SCGB1D1: variants seen among roughly 807,000 people sequenced by gnomAD.
The protein encoded by SCGB1D1 is lipophilin A (uteroglobin family member).
A neutral mutation model predicts 8.3 loss-of-function variants in SCGB1D1; 10 were observed. That is an observed-to-expected ratio of 1.21 (90% CI 0.74 to 2.05). The LOEUF (loss-of-function observed/expected upper bound fraction) is 2.05, where lower values mean the gene tolerates loss of function less well. Among genes scored for constraint, SCGB1D1 ranks in the 30% most tolerant of loss-of-function variants. The pLI is 0.00. For missense variants in SCGB1D1, 94 were observed against 105.1 expected (o/e 0.89, Z 0.46); for synonymous variants, 46 against 41.7 (o/e 1.10, Z -0.39).
rs376740890 is a variant in SCGB1D1 at position 62,190,259 on chromosome 11, C to A, written c.-26C>A. ...CTAAATCACTCATCATTGGTTAAAG[C>A]CGAGCTCACAGCAGAATAAGCCACC... On this transcript the variant is annotated 5_prime_UTR_variant, in exon 1 of 3. Transcript: ENST00000306238. 6.2e-7 allele frequency: 1 copy of A among 1,613,950 alleles called. No individual in the cohort carries two copies. Among genetic ancestry groups the A allele is most frequent in the African/African-American group, 1.3e-5 (1 of 74,930 alleles).
chr11:62,191,136 T>C (rs1944675025), intron 1 of SCGB1D1, among the ~76,000 whole-genome samples: 1 of 152,218 alleles, frequency 6.6e-6, no homozygotes, highest in African/African-American at 2.4e-5. Flanking sequence ...ATCCAGACTC[T>C]GATTTTTCTC....
At chr11:62,193,249 G>C in intron 2 of SCGB1D1, 150 bp from the exon 3 acceptor site, 1 of 663,092 alleles carries the variant, frequency 1.5e-6, no homozygotes, top group South Asian at 2.0e-5. Flanking sequence ...TCTAGGTCTA[G>C]GCCCTGGTTT....
rs2134719236 is a variant in SCGB1D1, at chr11:62,190,220, T to A, written c.-65T>A. ...CCCTGGGCTCCACGGCTCCACAGGCTCCCGGGGCTGAGTCTAAATCACTCA... is the reference window on the plus strand; with the variant it reads ...CCCTGGGCTCCACGGCTCCACAGGCACCCGGGGCTGAGTCTAAATCACTCA... On this transcript the variant is annotated 5_prime_UTR_variant, in exon 1 of 3. Transcript: ENST00000306238. The A allele has an allele frequency of 6.2e-7, 1 of 1,605,546 alleles. No individual in the cohort carries two copies. Among genetic ancestry groups the A allele is most frequent in the Non-Finnish European group, 8.5e-7 (1 of 1,172,998 alleles).
At chr11:62,191,042 T>G (rs887734286) in intron 1 of SCGB1D1, among the ~76,000 whole-genome samples, 8 of 152,182 alleles carry the variant, frequency 5.3e-5, no homozygotes, top group African/African-American at 1.9e-4. Context: ...ATGGTTAGCC[T>G]CAGAACTTCT....
rs117387346 is a variant in SCGB1D1, at chr11:62,191,313, T to G, written c.56-743T>G. 2.8e-3 allele frequency among the ~76,000 whole-genome samples: 432 copies of G among 152,216 alleles called. 3 individuals carry two copies. Among genetic ancestry groups the G allele is most frequent in the Non-Finnish European group, 4.9e-3 (333 of 68,014 alleles). ...GCAAAAGACTTAGGTGAATGGAGATTCCAGACCAAGCAAAATGATTACTCC... is the reference window on the plus strand; with the variant it reads ...GCAAAAGACTTAGGTGAATGGAGATGCCAGACCAAGCAAAATGATTACTCC... On this transcript the variant is annotated intron_variant, in intron 1 of 2. Coordinates refer to ENST00000306238, the MANE Select transcript of SCGB1D1 (RefSeq NM_006552.2).
intron 1 of SCGB1D1, 124 bp downstream of exon 1, chr11:62,190,463 G>T: frequency 8.7e-7 from 1 of 1,145,530 alleles, no homozygotes; most frequent in Non-Finnish European, 1.3e-6. Context: ...CTTATCCTGT[G>T]CTTGTTGAAG....
At chr11:62,190,882 A>G (rs2134719843) in intron 1 of SCGB1D1, among the ~76,000 whole-genome samples, 1 of 152,298 alleles carries the variant, frequency 6.6e-6, no homozygotes, top group East Asian at 1.9e-4. Context: ...AAAATGTTAC[A>G]TCTCGAAGGA....
In SCGB1D1 at chr11:62,190,308, G is replaced by A. The variant is rs779713783; in HGVS notation, c.24G>A (p.Leu8=). The A allele has an allele frequency of 2.5e-6, 4 of 1,614,058 alleles. No individual in the cohort carries two copies. The African/African-American group carries it at 5.3e-5, about 22-fold the overall frequency. Residue 8 remains leucine, a synonymous_variant, in exon 1 of 3, where the codon CTG becomes CTA. Coordinates refer to ENST00000306238, the MANE Select transcript of SCGB1D1 (RefSeq NM_006552.2). Reference sequence around the variant, plus strand: ...CCATGAGGCTGTCGGTGTGTCTCCTGCTGCTCACGCTGGCCCTTTGCTGCT... The same window carrying A: ...CCATGAGGCTGTCGGTGTGTCTCCTACTGCTCACGCTGGCCCTTTGCTGCT... MRLSVCL[L]LLTLALCCYR...
At chr11:62,190,763 G>A (rs1944672417) in intron 1 of SCGB1D1, among the ~76,000 whole-genome samples, 2 of 152,160 alleles carry the variant, frequency 1.3e-5, no homozygotes, top group Non-Finnish European at 2.9e-5. Context: ...TGTGCCAAGG[G>A]TCTAGCTGTG....
At position 62,193,435 on chromosome 11, in the gene SCGB1D1, A is replaced by C. The variant is rs1008630504; in HGVS notation, c.*7A>C. On this transcript the variant is annotated 3_prime_UTR_variant, in exon 3 of 3. Transcript: ENST00000306238. ...AGAGAAATGTGATCGCTGAGATGTA[A>C]AAAGTTTTTAATGCTAGTTTCCACC... 1.2e-6 allele frequency: 2 copies of C among 1,610,920 alleles called. No homozygotes were observed. Among genetic ancestry groups the C allele is most frequent in the African/African-American group, 2.7e-5 (2 of 74,956 alleles).
intron 2 of SCGB1D1, 91 bp from the exon 3 acceptor site, chr11:62,193,308 C>A: frequency 1.7e-6 from 2 of 1,194,358 alleles, no homozygotes; most frequent in East Asian, 2.4e-5. Context: ...TCTTTGGGAG[C>A]AGAATTCCAT....
intron 1 of SCGB1D1, among the ~76,000 whole-genome samples, chr11:62,191,186 A>G (rs1445694794): frequency 6.6e-6 from 1 of 151,960 alleles, no homozygotes; most frequent in East Asian, 1.9e-4. Flanking sequence ...TTTCCCTGTG[A>G]CACCCCGATC....
At chr11:62,191,206 C>A (rs1455988660) in intron 1 of SCGB1D1, among the ~76,000 whole-genome samples, 2 of 152,276 alleles carry the variant, frequency 1.3e-5, no homozygotes, top group Non-Finnish European at 1.5e-5. Flanking sequence ...CCTACCCTCT[C>A]CAAATTCTCC....
chr11:62,191,941 T>G, intron 1 of SCGB1D1, 115 bp from the exon 2 acceptor site: 1 of 867,392 alleles, frequency 1.2e-6, no homozygotes, highest in Non-Finnish European at 1.7e-6. Context: ...GTCATTGGCA[T>G]AGTTATTGAA....
rs977722515 is a variant in SCGB1D1 at position 62,193,121 on chromosome 11, G to T, written c.244-278G>T. 1.9e-4 allele frequency among the ~76,000 whole-genome samples: 29 copies of T among 152,174 alleles called. 1 individual carries two copies. Among genetic ancestry groups the T allele is most frequent in the Admixed American group, 6.5e-5 (1 of 15,284 alleles). Reference sequence around the variant, plus strand: ...CATTGCGGGGAACAGGAGACTCCAAGTCCTGGGACAGCCCAGACAATAACC... The same window carrying T: ...CATTGCGGGGAACAGGAGACTCCAATTCCTGGGACAGCCCAGACAATAACC... On this transcript the variant is annotated intron_variant, in intron 2 of 2. Coordinates refer to ENST00000306238, the MANE Select transcript of SCGB1D1 (RefSeq NM_006552.2).
At position 62,190,317 on chromosome 11, in the gene SCGB1D1, G is replaced by C. The variant is rs141616772; in HGVS notation, c.33G>C (p.Thr11=). Residue 11 remains threonine, a synonymous_variant, in exon 1 of 3, where the codon ACG becomes ACC. Coordinates refer to ENST00000306238, the MANE Select transcript of SCGB1D1 (RefSeq NM_006552.2). Reference sequence around the variant, plus strand: ...TGTCGGTGTGTCTCCTGCTGCTCACGCTGGCCCTTTGCTGCTACCGGGGTG... The same window carrying C: ...TGTCGGTGTGTCTCCTGCTGCTCACCCTGGCCCTTTGCTGCTACCGGGGTG... MRLSVCLLLL[T]LALCCYRANA... The C allele has an allele frequency of 4.3e-6, 7 of 1,614,036 alleles. No homozygotes were observed. In the Admixed American group the frequency reaches 6.7e-5, roughly 15 times the overall value.
At position 62,190,484 on chromosome 11, in the gene SCGB1D1, T is replaced by C. The variant is rs112105908; in HGVS notation, c.55+145T>C. ...CTGTGCTTGTTGAAGGAACTGCTCATAAAGCTCGGGCCTCATTTCATCAAA... is the reference window on the plus strand; with the variant it reads ...CTGTGCTTGTTGAAGGAACTGCTCACAAAGCTCGGGCCTCATTTCATCAAA... On this transcript the variant is annotated intron_variant, in intron 1 of 2. Transcript: ENST00000306238. The C allele has an allele frequency of 1.9e-5, 18 of 956,724 alleles. No individual in the cohort carries two copies. In the African/African-American group the frequency reaches 2.5e-4, roughly 13 times the overall value. 59.3% of individuals were successfully genotyped at this position (956,724 alleles called of 1,614,324 possible). A position where few individuals can be genotyped will look rare whatever the true frequency, so the allele number is the denominator to read the frequency against.
rs777772272 is a variant in SCGB1D1, at chr11:62,192,195, C to T, written c.195C>T (p.Cys65=). ...CAGCCAAGATGGAAGTGAAGAAATG[C>T]GTGGATACGATGGCCTATGAGAAAA... is the stretch of plus-strand genomic sequence containing the variant. ...AVAAKMEVKK[C]VDTMAYEKRV... Residue 65 remains cysteine, a synonymous_variant, in exon 2 of 3, where the codon TGC becomes TGT. Coordinates refer to ENST00000306238, the MANE Select transcript of SCGB1D1 (RefSeq NM_006552.2). The T allele has an allele frequency of 4.3e-5, 70 of 1,613,322 alleles. No individual in the cohort carries two copies. The East Asian group carries it at 5.8e-4, about 13-fold the overall frequency.
chr11:62,190,896 T>C (rs1049788922), intron 1 of SCGB1D1, among the ~76,000 whole-genome samples: 1 of 152,212 alleles, frequency 6.6e-6, no homozygotes, highest in African/African-American at 2.4e-5. Flanking sequence ...CGAAGGATCC[T>C]TGGAGAACTC....
Sources: allele counts gnomAD v4.1 joint callset (sites outside exome capture counted in the v4.1 genomes callset), GRCh38; gene constraint gnomAD v4.1.1; transcripts MANE v1.5; gene names NCBI Gene and HGNC (gene_info 2026-07-23, HGNC 2026-07-21).